Variants in CTNNA2 observed in about 807,000 individuals in gnomAD.
CTNNA2 encodes catenin alpha 2.
In CTNNA2, 42 loss-of-function variants were observed where a neutral mutation model predicts 101.0. The observed-to-expected ratio is 0.42, with a 90% CI of 0.32 to 0.54. The LOEUF (loss-of-function observed/expected upper bound fraction) is 0.54, where lower values mean the gene tolerates loss of function less well. CTNNA2 is among the 20% of genes least tolerant of loss of function. The probability of loss-of-function intolerance (pLI) is 0.14; values close to 1 mark genes in which losing one functional copy is unlikely to be tolerated. For missense variants in CTNNA2, 871 were observed against 1,223.1 expected, an observed-to-expected ratio of 0.71 and a Z score of 4.29; for synonymous variants, 450 against 456.4, an observed-to-expected ratio of 0.99 and a Z score of 0.18.
chr2:80,636,622 ATATTCT>A (rs1369029089), intron 18 of CTNNA2, among the ~76,000 whole-genome samples: 20 of 152,266 alleles, frequency 1.3e-4, no homozygotes, highest in African/African-American at 4.3e-4. Context: ...TTTATAAATG[ATATTCT>A]TAACCAAAAT....
intron 1 of CTNNA2, among the ~76,000 whole-genome samples, chr2:79,604,512 T>C (rs935224277): frequency 1.3e-5 from 2 of 152,168 alleles, no homozygotes; most frequent in Non-Finnish European, 2.9e-5. Flanking sequence ...CTGAAGTGTC[T>C]AGACTTTCAG....
intron 7 of CTNNA2, among the ~76,000 whole-genome samples, chr2:80,239,116 G>A (rs949588504): frequency 2.0e-5 from 3 of 152,120 alleles, no homozygotes; most frequent in African/African-American, 7.2e-5. Context: ...CCAATTCTAC[G>A]TCTTCCATCC....
rs1553376362 is a variant in CTNNA2, at chr2:79,829,414, C to CAG, written c.299-28597_299-28596dup. 7.0e-3 allele frequency among the ~76,000 whole-genome samples: 851 copies of CAG among 120,772 alleles called. 10 individuals carry two copies. The highest frequency in any genetic ancestry group is 0.041 in the East Asian group (166 of 4,058). 79.2% of individuals were successfully genotyped at this position (120,772 alleles called of 152,430 possible). On this transcript the variant is annotated intron_variant, in intron 3 of 18. Transcript: ENST00000402739. The stretch of plus-strand genomic sequence containing the variant: ...ACACACACACACACACACACACACA[C>CAG]AGACACAAAGCCGGGCGAGATGGCG...
chr2:80,181,490 C>T (rs544088336), intron 7 of CTNNA2, among the ~76,000 whole-genome samples: 7 of 152,132 alleles, frequency 4.6e-5, no homozygotes, highest in South Asian at 2.1e-4. Context: ...ATTGAGGCTA[C>T]CTGTGCACCT....
chr2:80,231,043 C>T (rs1709180924), intron 7 of CTNNA2, among the ~76,000 whole-genome samples: 1 of 151,922 alleles, frequency 6.6e-6, no homozygotes, highest in Admixed American at 6.6e-5. Flanking sequence ...ATGATCTCGG[C>T]TCACTGAAAC....
At chr2:79,378,350 T>A (rs6720349) in intron 4 of CTNNA2, among the ~76,000 whole-genome samples, 2 of 151,952 alleles carry the variant, frequency 1.3e-5, no homozygotes, top group African/African-American at 4.8e-5. Flanking sequence ...GAGCTTCAGA[T>A]GTAATATATG....
chr2:79,925,097 T>C (rs902287565), intron 7 of CTNNA2, among the ~76,000 whole-genome samples: 1 of 152,192 alleles, frequency 6.6e-6, no homozygotes, highest in African/African-American at 2.4e-5. Flanking sequence ...ATTTTAAGTA[T>C]CTCTCCCAGT....
chr2:79,480,687 A>C (rs1232047388), intron 4 of CTNNA2, among the ~76,000 whole-genome samples: 2 of 151,910 alleles, frequency 1.3e-5, no homozygotes, highest in Non-Finnish European at 2.9e-5. Context: ...TCACTGTGTG[A>C]TTTTCTGGTT....
intron 7 of CTNNA2, among the ~76,000 whole-genome samples, chr2:80,381,746 G>T (rs765953615): frequency 6.6e-6 from 1 of 152,132 alleles, no homozygotes; most frequent in Non-Finnish European, 1.5e-5. Context: ...CTTTGCTGCG[G>T]GGCTGGCAAT....
chr2:80,181,544 T>A (rs1380928979), intron 7 of CTNNA2, among the ~76,000 whole-genome samples: 1 of 152,168 alleles, frequency 6.6e-6, no homozygotes, highest in African/African-American at 2.4e-5. Flanking sequence ...TGTGTCTGAT[T>A]TTCCACAATT....
In CTNNA2 at chr2:79,781,529, G is replaced by A. The variant is rs1357252791; in HGVS notation, c.298+36947G>A. On this transcript the variant is annotated intron_variant, in intron 3 of 18. Coordinates refer to ENST00000402739, the MANE Select transcript of CTNNA2 (RefSeq NM_001282597.3). Reference sequence around the variant, plus strand: ...AGGAGCTTTAGTGTATAGCCCATTTGCCAAAAACAGTACAAGACATGCTCT... The same window carrying A: ...AGGAGCTTTAGTGTATAGCCCATTTACCAAAAACAGTACAAGACATGCTCT... 2.0e-5 allele frequency among the ~76,000 whole-genome samples: 3 copies of A among 152,126 alleles called. No individual in the cohort carries two copies. The East Asian group carries it at 5.8e-4, about 29-fold the overall frequency.
At chr2:79,457,216 A>AAG (rs1491029761) in intron 4 of CTNNA2, among the ~76,000 whole-genome samples, 1 of 151,490 alleles carries the variant, frequency 6.6e-6, no homozygotes, top group East Asian at 1.9e-4. Flanking sequence ...AAAAAAAAAA[A>AAG]GAAAAAGAAA....
chr2:79,191,663 A>G (rs1673872732), intron 1 of CTNNA2, among the ~76,000 whole-genome samples: 1 of 152,190 alleles, frequency 6.6e-6, no homozygotes, highest in Non-Finnish European at 1.5e-5. Flanking sequence ...CCTCTGGTAG[A>G]GACCGAAAGT....
intron 3 of CTNNA2, among the ~76,000 whole-genome samples, chr2:79,349,921 A>T (rs1337450624): frequency 6.6e-6 from 1 of 151,878 alleles, no homozygotes; most frequent in Non-Finnish European, 1.5e-5. Context: ...TAAAAACACA[A>T]AAATTAGCCA....
intron 7 of CTNNA2, among the ~76,000 whole-genome samples, chr2:80,322,582 G>A (rs1332056968): frequency 6.6e-6 from 1 of 151,592 alleles, no homozygotes; most frequent in South Asian, 2.1e-4. Context: ...GGAGGCCGCG[G>A]GGCCCCAAGC....
chr2:80,242,571 G>A (rs1671022886), intron 7 of CTNNA2, among the ~76,000 whole-genome samples: 1 of 152,142 alleles, frequency 6.6e-6, no homozygotes, highest in Admixed American at 6.5e-5. Context: ...TTGTGGTACT[G>A]TAAGAGCCAA....
At chr2:79,449,850 TG>T (rs199648784) in intron 4 of CTNNA2, among the ~76,000 whole-genome samples, 2 of 152,110 alleles carry the variant, frequency 1.3e-5, no homozygotes, top group South Asian at 4.1e-4. Flanking sequence ...GGTAAATGTG[TG>T]GGGTCACACT....
intron 13 of CTNNA2, 106 bp from the exon 14 acceptor site, chr2:80,581,600 T>C: frequency 1.4e-6 from 1 of 715,506 alleles, no homozygotes; most frequent in Non-Finnish European, 2.5e-6. Flanking sequence ...TGTAGGATGC[T>C]ATAAGCTCTG....
intron 2 of CTNNA2, among the ~76,000 whole-genome samples, chr2:79,254,309 G>T (rs1467385537): frequency 6.6e-6 from 1 of 152,224 alleles, no homozygotes; most frequent in African/African-American, 2.4e-5. Context: ...ATGTCAAGTT[G>T]TAATATCCAG....
Sources: allele counts gnomAD v4.1 joint callset (sites outside exome capture counted in the v4.1 genomes callset), GRCh38; gene constraint gnomAD v4.1.1; transcripts MANE v1.5; gene names NCBI Gene and HGNC (gene_info 2026-07-23, HGNC 2026-07-21).